Variants in WDR72 observed in about 807,000 individuals in gnomAD.
The protein encoded by WDR72 is WD repeat-containing protein 72.
WDR72 carries 120 observed loss-of-function variants against 124.2 expected under a neutral mutation model. The ratio of observed to expected loss-of-function variants is 0.97; its 90% confidence interval spans 0.83 to 1.12. WDR72 has a LOEUF of 1.12. WDR72 is among the 50% of genes most tolerant of loss of function. The pLI, the probability that WDR72 is intolerant of heterozygous loss-of-function variation, is 0.00. For missense variants in WDR72, 1,387 were observed against 1,278.8 expected (o/e 1.08, Z -1.29); for synonymous variants, 452 against 441.7 (o/e 1.02, Z -0.29).
intron 13 of WDR72, among the ~76,000 whole-genome samples, chr15:53,678,774 A>G (rs947907957): frequency 4.6e-5 from 7 of 152,334 alleles, no homozygotes; most frequent in Non-Finnish European, 8.8e-5. Context: ...TGTATAGATC[A>G]TGGTCTAAAG....
At chr15:53,619,370 TACC>T in intron 14 of WDR72, among the ~76,000 whole-genome samples, 1 of 151,788 alleles carries the variant, frequency 6.6e-6, no homozygotes, top group South Asian at 2.1e-4. Context: ...AGTTTGTGAA[TACC>T]AGGTATCCAG....
intron 18 of WDR72, among the ~76,000 whole-genome samples, chr15:53,538,166 T>C (rs541262073): frequency 1.6e-4 from 24 of 152,318 alleles, no homozygotes; most frequent in African/African-American, 5.5e-4. Context: ...ATACTTTACA[T>C]ATATATTAGC....
At chr15:53,653,032 T>C (rs1382629331) in intron 14 of WDR72, among the ~76,000 whole-genome samples, 1 of 67,404 alleles carries the variant, frequency 1.5e-5, no homozygotes, top group African/African-American at 3.5e-5. Flanking sequence ...CACTATCCTC[T>C]GTACAACCAA....
chr15:53,664,319 T>C (rs115975534), intron 14 of WDR72, among the ~76,000 whole-genome samples: 2,091 of 152,316 alleles, frequency 0.014, 46 homozygotes, highest in African/African-American at 0.048. Flanking sequence ...CTAGTTTATA[T>C]ACTCATTTTT....
intron 1 of WDR72, among the ~76,000 whole-genome samples, chr15:53,758,340 A>T (rs1367215600): frequency 6.6e-6 from 1 of 152,146 alleles, no homozygotes; most frequent in Non-Finnish European, 1.5e-5. Context: ...TAATTTTAAA[A>T]TACCTTTTCC....
intron 14 of WDR72, among the ~76,000 whole-genome samples, chr15:53,635,949 C>T (rs1458739551): frequency 6.6e-6 from 1 of 152,128 alleles, no homozygotes; most frequent in African/African-American, 2.4e-5. Context: ...ACCCTTTATA[C>T]CATTGTTTCT....
intron 14 of WDR72, among the ~76,000 whole-genome samples, chr15:53,633,939 T>C (rs1025791589): frequency 3.3e-5 from 5 of 152,176 alleles, no homozygotes; most frequent in African/African-American, 1.2e-4. Context: ...ATGGCATACA[T>C]TGAACTTTTT....
At chr15:53,524,481 C>A (rs1891994678) in intron 18 of WDR72, among the ~76,000 whole-genome samples, 1 of 152,102 alleles carries the variant, frequency 6.6e-6, no homozygotes, top group Non-Finnish European at 1.5e-5. Flanking sequence ...TGGTACGTGA[C>A]ACAACGGTGT....
intron 18 of WDR72, among the ~76,000 whole-genome samples, chr15:53,587,305 T>C: frequency 6.6e-6 from 1 of 152,024 alleles, no homozygotes; most frequent in East Asian, 1.9e-4. Flanking sequence ...CACTACCTTG[T>C]ATATTAAGGA....
At chr15:53,677,573 T>C (rs1435608680) in intron 13 of WDR72, among the ~76,000 whole-genome samples, 1 of 152,160 alleles carries the variant, frequency 6.6e-6, no homozygotes, top group Non-Finnish European at 1.5e-5. Context: ...GTTCTCATGA[T>C]AGTGAGTAGT....
chr15:53,659,452 T>C (rs371634407), intron 14 of WDR72, among the ~76,000 whole-genome samples: 2 of 152,128 alleles, frequency 1.3e-5, no homozygotes, highest in African/African-American at 2.4e-5. Context: ...AATGTTTAGA[T>C]ACAAGCCAGG....
chr15:53,743,340 T>G (rs985630712), intron 1 of WDR72, among the ~76,000 whole-genome samples: 21 of 152,132 alleles, frequency 1.4e-4, no homozygotes, highest in Non-Finnish European at 2.8e-4. Context: ...AAGCATAATA[T>G]TAAATTTAAG....
intron 13 of WDR72, among the ~76,000 whole-genome samples, chr15:53,691,461 T>C (rs1047821442): frequency 6.6e-6 from 1 of 152,238 alleles, no homozygotes; most frequent in East Asian, 1.9e-4. Flanking sequence ...CAAATTACTT[T>C]TCCCATTCTG....
chr15:53,540,571 GAAA>G (rs5812690), intron 18 of WDR72, among the ~76,000 whole-genome samples: 2 of 135,126 alleles, frequency 1.5e-5, no homozygotes, highest in Non-Finnish European at 3.1e-5. Flanking sequence ...AAGGAAGAAA[GAAA>G]AAAAAAAAAA....
At chr15:53,735,009 A>C (rs1025476776) in intron 1 of WDR72, among the ~76,000 whole-genome samples, 1 of 152,072 alleles carries the variant, frequency 6.6e-6, no homozygotes, top group Non-Finnish European at 1.5e-5. Flanking sequence ...GACAAGTGTT[A>C]ATGGCTAGGC....
At chr15:53,682,887 A>G (rs2447053) in intron 13 of WDR72, among the ~76,000 whole-genome samples, 5,115 of 152,264 alleles carry the variant, frequency 0.034, 280 homozygotes, top group African/African-American at 0.12. Flanking sequence ...ACTGCTATAA[A>G]GAAATAACAG....
At chr15:53,686,686 G>A (rs909303921) in intron 13 of WDR72, among the ~76,000 whole-genome samples, 11 of 149,580 alleles carry the variant, frequency 7.4e-5, no homozygotes, top group African/African-American at 2.3e-4. Flanking sequence ...CCCAGGAATT[G>A]AACTCAGCTC....
chr15:53,628,830 T>C (rs2014309337), intron 14 of WDR72, among the ~76,000 whole-genome samples: 1 of 151,968 alleles, frequency 6.6e-6, no homozygotes, highest in South Asian at 2.1e-4. Flanking sequence ...AAAAAAAAAC[T>C]TAAAATGTTT....
At chr15:53,531,208 AGTG>A (rs1259295824) in intron 18 of WDR72, among the ~76,000 whole-genome samples, 2 of 152,096 alleles carry the variant, frequency 1.3e-5, no homozygotes, top group Admixed American at 6.6e-5. Context: ...ATGACATCAA[AGTG>A]GTATGTTAGC....
Sources: allele counts gnomAD v4.1 joint callset (sites outside exome capture counted in the v4.1 genomes callset), GRCh38; gene constraint gnomAD v4.1.1; transcripts MANE v1.5; gene names NCBI Gene and HGNC (gene_info 2026-07-23, HGNC 2026-07-21).